Variants in ADGRL3 observed in about 807,000 individuals in gnomAD.
ADGRL3 encodes the protein calcium-independent alpha-latrotoxin receptor 3.
Under a neutral mutation model 153.5 loss-of-function variants are expected in ADGRL3, and 62 were observed. That is an observed-to-expected ratio of 0.40 (90% confidence interval 0.33 to 0.50). The LOEUF (loss-of-function observed/expected upper bound fraction) is 0.50, where lower values mean the gene tolerates loss of function less well. ADGRL3 is among the 20% of genes least tolerant of loss of function. The probability of loss-of-function intolerance (pLI) is 0.47; values close to 1 mark genes in which losing one functional copy is unlikely to be tolerated. For synonymous variants in ADGRL3, 710 were observed against 672.5 expected, an observed-to-expected ratio of 1.06 and a Z score of -0.86; for missense variants, 1,641 against 1,859.4, an observed-to-expected ratio of 0.88 and a Z score of 2.16.
At chr4:61,484,536 A>T (rs1314715201) in intron 2 of ADGRL3, among the ~76,000 whole-genome samples, 1 of 152,206 alleles carries the variant, frequency 6.6e-6, no homozygotes, top group African/African-American at 2.4e-5. Flanking sequence ...TTTCCATCAC[A>T]GTCAACTTGT....
At chr4:61,711,898 A>G (rs1294738579) in intron 6 of ADGRL3, among the ~76,000 whole-genome samples, 2 of 152,028 alleles carry the variant, frequency 1.3e-5, no homozygotes, top group African/African-American at 4.8e-5. Context: ...TATGTACAGG[A>G]GCAGCTTTGG....
rs115671645 is a variant in ADGRL3 at position 61,736,784 on chromosome 4, G to A, written c.1399+3230G>A. ...TTGAATTTCATTCCTTTTGAACAAC[G>A]ACAATTAAGACTTTGTCTGTTTTAC... On this transcript the variant is annotated intron_variant, in intron 8 of 26. Coordinates refer to ENST00000683033, the MANE Select transcript of ADGRL3 (RefSeq NM_001387552.1). 5.8e-3 allele frequency among the ~76,000 whole-genome samples: 880 copies of A among 152,238 alleles called. 8 individuals carry two copies. The highest frequency in any genetic ancestry group is 0.02 in the African/African-American group (843 of 41,546).
chr4:61,456,405 A>ATATATATATAGATATATCTATATC lies in ADGRL3; in HGVS notation c.-173-40633_-173-40610dup, dbSNP rs60927269. 6.5e-4 allele frequency among the ~76,000 whole-genome samples: 35 copies of ATATATATATAGATATATCTATATC among 53,834 alleles called. 1 individual carries two copies. Among genetic ancestry groups the ATATATATATAGATATATCTATATC allele is most frequent in the African/African-American group, 1.7e-3 (28 of 16,866 alleles). The allele number at this position is 53,834 out of a possible 152,430, so 35.3% of individuals were successfully genotyped here. A position where few individuals can be genotyped will look rare whatever the true frequency, so the allele number is the denominator to read the frequency against. On this transcript the variant is annotated intron_variant, in intron 2 of 26. Coordinates refer to ENST00000683033, the MANE Select transcript of ADGRL3 (RefSeq NM_001387552.1). ...TATATATATAGATATATCTATATCT[A>ATATATATATAGATATATCTATATC]TATATATATAGATATATCTATATCT... is the stretch of plus-strand genomic sequence containing the variant.
intron 11 of ADGRL3, among the ~76,000 whole-genome samples, chr4:61,896,770 C>G (rs959555413): frequency 6.6e-6 from 1 of 152,126 alleles, no homozygotes; most frequent in African/African-American, 2.4e-5. Context: ...CATAATGATG[C>G]TTCTCCAGTT....
At chr4:61,767,711 G>A (rs893185343) in intron 8 of ADGRL3, among the ~76,000 whole-genome samples, 4 of 152,134 alleles carry the variant, frequency 2.6e-5, no homozygotes, top group South Asian at 4.1e-4. Flanking sequence ...CCTGGGCTGC[G>A]GGTGTTCCTT....
chr4:61,929,508 A>G (rs1009589986), intron 13 of ADGRL3, among the ~76,000 whole-genome samples: 4 of 152,188 alleles, frequency 2.6e-5, no homozygotes, highest in South Asian at 2.1e-4. Flanking sequence ...ATACTCATCA[A>G]ACTAATAACT....
At chr4:61,738,048 C>T (rs1478666617) in intron 8 of ADGRL3, among the ~76,000 whole-genome samples, 1 of 151,860 alleles carries the variant, frequency 6.6e-6, no homozygotes, top group Non-Finnish European at 1.5e-5. Flanking sequence ...TATACCTGAA[C>T]CAAATTTGTA....
intron 2 of ADGRL3, among the ~76,000 whole-genome samples, chr4:61,456,405 A>ATAGATATAGATATATCTATATC (rs2097746226): frequency 2.4e-4 from 13 of 53,888 alleles, no homozygotes; most frequent in Non-Finnish European, 3.6e-4. Flanking sequence ...ATCTATATCT[A>ATAGATATAGATATATCTATATC]TATATATATA....
intron 5 of ADGRL3, among the ~76,000 whole-genome samples, chr4:61,592,157 G>A (rs2098972344): frequency 6.6e-6 from 1 of 151,782 alleles, no homozygotes; most frequent in Non-Finnish European, 1.5e-5. Context: ...TAGCACTGAA[G>A]GTAATTTTAT....
chr4:61,450,565 A>C (rs1348346463), intron 2 of ADGRL3, among the ~76,000 whole-genome samples: 1 of 152,268 alleles, frequency 6.6e-6, no homozygotes, highest in South Asian at 2.1e-4. Context: ...TAAGACTATC[A>C]GGTTAGTAAT....
At chr4:61,952,494 A>C (rs1435547990) in intron 17 of ADGRL3, among the ~76,000 whole-genome samples, 3 of 151,724 alleles carry the variant, frequency 2.0e-5, no homozygotes, top group Admixed American at 1.3e-4. Flanking sequence ...AAAAAAAAAA[A>C]CAATTTCATC....
chr4:61,410,196 G>T (rs948548309), intron 2 of ADGRL3, among the ~76,000 whole-genome samples: 1 of 151,888 alleles, frequency 6.6e-6, no homozygotes, highest in East Asian at 1.9e-4. Context: ...ATATTCATGA[G>T]TTCTAAAAAT....
At chr4:61,255,582 T>A (rs2091885269) in intron 1 of ADGRL3, among the ~76,000 whole-genome samples, 1 of 152,222 alleles carries the variant, frequency 6.6e-6, no homozygotes, top group Non-Finnish European at 1.5e-5. Flanking sequence ...TCTTATGTTG[T>A]CATGAAAATC....
chr4:61,379,511 C>T (rs1182190746), intron 1 of ADGRL3, among the ~76,000 whole-genome samples: 2 of 151,942 alleles, frequency 1.3e-5, no homozygotes, highest in Non-Finnish European at 2.9e-5. Context: ...TTTTTTAAGT[C>T]TCAATTACAC....
chr4:61,208,779 T>C (rs1738484731), intron 1 of ADGRL3, among the ~76,000 whole-genome samples: 1 of 152,116 alleles, frequency 6.6e-6, no homozygotes, highest in East Asian at 1.9e-4. Context: ...TTGGGAATTA[T>C]TAGAGAGGAA....
chr4:61,614,104 A>G (rs565340073), intron 5 of ADGRL3, among the ~76,000 whole-genome samples: 1 of 152,312 alleles, frequency 6.6e-6, no homozygotes, highest in South Asian at 2.1e-4. Context: ...AAATTACAAA[A>G]TAAAAAAGTA....
intron 4 of ADGRL3, among the ~76,000 whole-genome samples, chr4:61,558,136 T>C (rs2098775984): frequency 7.4e-6 from 1 of 134,724 alleles, no homozygotes; most frequent in African/African-American, 3.0e-5. Flanking sequence ...AGGAATCATA[T>C]ATATATGTAT....
At chr4:61,279,773 A>C (rs921640272) in intron 1 of ADGRL3, among the ~76,000 whole-genome samples, 5 of 152,080 alleles carry the variant, frequency 3.3e-5, no homozygotes, top group Non-Finnish European at 7.4e-5. Flanking sequence ...GCCATGCCCC[A>C]TGAAAAGAGC....
intron 21 of ADGRL3, among the ~76,000 whole-genome samples, chr4:62,004,306 C>T (rs2099150457): frequency 6.6e-6 from 1 of 151,774 alleles, no homozygotes. Flanking sequence ...CGTTTCTATA[C>T]TATAGTCAAA....
Sources: allele counts gnomAD v4.1 joint callset (sites outside exome capture counted in the v4.1 genomes callset), GRCh38; gene constraint gnomAD v4.1.1; transcripts MANE v1.5; gene names NCBI Gene and HGNC (gene_info 2026-07-23, HGNC 2026-07-21).